AHDC1: variants seen among roughly 807,000 people sequenced by gnomAD.
The protein encoded by AHDC1 is AT-hook DNA binding motif containing 1, also known as transcription factor Gibbin.
In AHDC1, 7 loss-of-function variants were observed where a neutral mutation model predicts 87.9. That is an observed-to-expected ratio of 0.08 (90% CI 0.05 to 0.15). The LOEUF (loss-of-function observed/expected upper bound fraction) is 0.15. Ranked by LOEUF, AHDC1 falls within the 10% of genes least tolerant of loss-of-function variation. The probability of loss-of-function intolerance (pLI) is 1.00; values close to 1 mark genes in which losing one functional copy is unlikely to be tolerated. For missense variants in AHDC1, 1,841 were observed against 2,253.2 expected (o/e 0.82, Z 3.70); for synonymous variants, 1,051 against 1,006.8 (o/e 1.04, Z -0.83).
chr1:27,543,098 G>T (rs1357759425), intron 8 of AHDC1, among the ~76,000 whole-genome samples: 1 of 152,256 alleles, frequency 6.6e-6, no homozygotes, highest in African/African-American at 2.4e-5. Flanking sequence ...CTGGATGGTG[G>T]CCTTGGAAAC....
Position 27,549,165 on chromosome 1 carries a change from G to C in AHDC1, c.2951C>G (p.Thr984Ser). 1 of 1,572,052 alleles carries C rather than the reference G, an allele frequency of 6.4e-7. No homozygotes were observed. The change falls in exon 8 of 9, where the codon ACT becomes AGT. Residue 984 changes from threonine to serine, a missense_variant. By Grantham distance (58) the Thr-to-Ser change is moderately conservative. Transcript: ENST00000673934. ...GCAGTCCTGGCCTGTAAAGGGCTTA[G>C]TTGGGGCGAATACGCTTTGTCCGGC... Reference protein sequence around the residue: ...YGAGQSVFAPTKPFTGQDCAN... With the variant: ...YGAGQSVFAPSKPFTGQDCAN...
chr1:27,578,365 G>T (rs1331191588), intron 3 of AHDC1, among the ~76,000 whole-genome samples: 1 of 152,072 alleles, frequency 6.6e-6, no homozygotes, highest in Non-Finnish European at 1.5e-5. Context: ...GAGGTGGGTG[G>T]ATCACCTGAG....
chr1:27,576,957 A>AC lies in AHDC1; in HGVS notation c.-628-18075dup, dbSNP rs537537471. On this transcript the variant is annotated intron_variant, in intron 3 of 8. Coordinates refer to ENST00000673934, the MANE Select transcript of AHDC1 (RefSeq NM_001371928.1). ...ATCCCAGTGCTCACCGCCTGCCCACACCCCCCAACGCCAGCACCCACCGTC... is the reference window on the plus strand; with the variant it reads ...ATCCCAGTGCTCACCGCCTGCCCACACCCCCCCAACGCCAGCACCCACCGTC... Among the ~76,000 whole-genome samples the AC allele has an allele frequency of 4.0e-5, 6 of 151,666 alleles. No individual in the cohort carries two copies. In the East Asian group the frequency reaches 9.7e-4, roughly 24 times the overall value.
intron 3 of AHDC1, among the ~76,000 whole-genome samples, chr1:27,581,727 CGT>C (rs1168363944): frequency 1.3e-5 from 2 of 152,192 alleles, no homozygotes; most frequent in Admixed American, 1.3e-4. Flanking sequence ...CATGACTCTG[CGT>C]GTCTGCCCTG....
intron 3 of AHDC1, among the ~76,000 whole-genome samples, chr1:27,600,538 C>G (rs578194680): frequency 1.7e-4 from 26 of 152,018 alleles, no homozygotes; most frequent in African/African-American, 6.0e-4. Context: ...TGAGGGAGAT[C>G]AGGTTTGCCT....
intron 8 of AHDC1, among the ~76,000 whole-genome samples, chr1:27,544,546 T>C (rs1237820844): frequency 6.6e-6 from 1 of 152,222 alleles, no homozygotes; most frequent in East Asian, 1.9e-4. Flanking sequence ...TCAAAACTGC[T>C]CACTGCTATT....
At chr1:27,568,411 G>T (rs1275648376) in intron 3 of AHDC1, among the ~76,000 whole-genome samples, 1 of 152,160 alleles carries the variant, frequency 6.6e-6, no homozygotes, top group Admixed American at 6.5e-5. Flanking sequence ...CTTGTGAGGA[G>T]CTTCACGGGA....
At chr1:27,575,945 G>C (rs529546185) in intron 3 of AHDC1, among the ~76,000 whole-genome samples, 25 of 152,082 alleles carry the variant, frequency 1.6e-4, no homozygotes, top group Non-Finnish European at 3.4e-4. Context: ...CGCGATCCGG[G>C]TCGGGCTCGG....
intron 8 of AHDC1, among the ~76,000 whole-genome samples, chr1:27,539,552 T>C (rs2018811789): frequency 6.6e-6 from 1 of 151,480 alleles, no homozygotes; most frequent in African/African-American, 2.4e-5. Context: ...TTCAAGCAAT[T>C]TTCCTGCCTC....
chr1:27,584,807 A>T (rs555939853), intron 3 of AHDC1, among the ~76,000 whole-genome samples: 8 of 152,128 alleles, frequency 5.3e-5, no homozygotes, highest in Non-Finnish European at 1.0e-4. Context: ...CCTTCGGCCT[A>T]GACTAGAGGC....
In AHDC1 at chr1:27,552,144, G is replaced by A. The variant is rs1423305231; in HGVS notation, c.-29C>T. 7.0e-7 allele frequency: 1 copy of A among 1,438,384 alleles called. No individual in the cohort carries two copies. Among genetic ancestry groups the A allele is most frequent in the African/African-American group, 1.4e-5 (1 of 69,700 alleles). 89.1% of individuals were successfully genotyped at this position (1,438,384 alleles called of 1,614,324 possible). ...GACCTTGTCCTCCGCAGGCCGCCGG[G>A]CGGGGCCGGGGCTGACATGAGGGTG... On this transcript the variant is annotated 5_prime_UTR_variant, in exon 8 of 9. Coordinates refer to ENST00000673934, the MANE Select transcript of AHDC1 (RefSeq NM_001371928.1).
In AHDC1 at chr1:27,550,778, G is replaced by C; in HGVS notation, c.1338C>G (p.Val446=). 6.4e-7 allele frequency: 1 copy of C among 1,570,568 alleles called. No homozygotes were observed. The change falls in exon 8 of 9, where the codon GTC becomes GTG. Residue 446 remains valine (V), a synonymous_variant. Transcript: ENST00000673934. ...ATTCCGGCTTCAACTCTGGGACTGA[G>C]ACCGGGCCTGGGCCTGGCAGGGCAG... The part of the protein sequence containing the change: ...PPPALPGPGP[V]SVPELKPESS...
At chr1:27,596,509 G>A (rs1007243486) in intron 3 of AHDC1, among the ~76,000 whole-genome samples, 8 of 151,950 alleles carry the variant, frequency 5.3e-5, no homozygotes, top group African/African-American at 7.3e-5. Flanking sequence ...CAGGCCGGGG[G>A]CCCCTTCCCA....
intron 8 of AHDC1, among the ~76,000 whole-genome samples, chr1:27,545,907 A>G (rs2019143130): frequency 6.6e-6 from 1 of 152,158 alleles, no homozygotes; most frequent in South Asian, 2.1e-4. Flanking sequence ...CAATCTGGGA[A>G]TGGTCCTCCC....
chr1:27,536,832 G>A (rs2018659104), intron 8 of AHDC1, among the ~76,000 whole-genome samples: 1 of 152,050 alleles, frequency 6.6e-6, no homozygotes, highest in Non-Finnish European at 1.5e-5. Context: ...GGCAGGCTGG[G>A]AGCCTCTGCA....
chr1:27,555,640 C>T (rs2019782732), intron 5 of AHDC1, among the ~76,000 whole-genome samples: 1 of 152,192 alleles, frequency 6.6e-6, no homozygotes, highest in Non-Finnish European at 1.5e-5. Context: ...TCTGGAACCT[C>T]CAAGTCCAAT....
chr1:27,567,846 G>A (rs1185239352), intron 3 of AHDC1, among the ~76,000 whole-genome samples: 1 of 152,228 alleles, frequency 6.6e-6, no homozygotes, highest in African/African-American at 2.4e-5. Flanking sequence ...GGATTGCAGA[G>A]GAAGGTAGGC....
At chr1:27,589,487 C>T (rs2089162553) in intron 3 of AHDC1, among the ~76,000 whole-genome samples, 1 of 152,176 alleles carries the variant, frequency 6.6e-6, no homozygotes, top group African/African-American at 2.4e-5. Context: ...GTACAGAGTG[C>T]CAGCATCCTG....
At chr1:27,572,479 CCTA>C (rs2088563187) in intron 3 of AHDC1, among the ~76,000 whole-genome samples, 1 of 152,184 alleles carries the variant, frequency 6.6e-6, no homozygotes, top group Non-Finnish European at 1.5e-5. Flanking sequence ...CCAGGAGCTG[CCTA>C]CTGCCTTACA....
Sources: gnomAD v4.1 joint callset for allele counts (sites outside exome capture counted in the v4.1 genomes callset) on GRCh38, gnomAD v4.1.1 for gene constraint, MANE v1.5 for transcripts, NCBI Gene and HGNC (gene_info 2026-07-23, HGNC 2026-07-21) for gene names.